The following NCAPD3 variants were observed in gnomAD, a reference collection of about 807,000 sequenced individuals.
NCAPD3 encodes the protein condensin-2 complex subunit D3.
Under a neutral mutation model 182.9 loss-of-function variants are expected in NCAPD3, and 105 were observed. The ratio of observed to expected loss-of-function variants is 0.57; its 90% CI spans 0.49 to 0.68. NCAPD3 has a LOEUF of 0.68. Ranked by LOEUF, NCAPD3 falls within the 30% of genes least tolerant of loss-of-function variation. NCAPD3 has a pLI of 0.00. For missense variants in NCAPD3, 1,944 were observed against 1,837.0 expected, an observed-to-expected ratio of 1.06 and a Z score of -1.07; for synonymous variants, 815 against 679.9, an observed-to-expected ratio of 1.20 and a Z score of -3.09.
intron 24 of NCAPD3, among the ~76,000 whole-genome samples, chr11:134,172,055 C>T (rs1944018906): frequency 6.6e-6 from 1 of 152,146 alleles, no homozygotes; most frequent in African/African-American, 2.4e-5. Context: ...AGTGTGTTGC[C>T]AAAAGTGTTC....
At chr11:134,158,532 CT>C in intron 29 of NCAPD3, 37 bp from the exon 30 acceptor site, 1 of 1,590,188 alleles carries the variant, frequency 6.3e-7, no homozygotes, top group Non-Finnish European at 8.6e-7. Context: ...CATTCTAATA[CT>C]TTTTAAGTTT....
Position 134,202,916 on chromosome 11 carries a change from A to G in NCAPD3, c.1526-11T>C, listed in dbSNP as rs777883640. ...TTTGGTAGGAAAAAGCTTTAAAAAA[A>G]AAATTACAGTCATTAAGCTAAAAAT... On this transcript the variant is annotated splice_polypyrimidine_tract_variant and intron_variant, in intron 12 of 34. Transcript: ENST00000534548. 3.2e-6 allele frequency: 5 copies of G among 1,586,144 alleles called. No individual in the cohort carries two copies. Among genetic ancestry groups the G allele is most frequent in the Non-Finnish European group, 3.4e-6 (4 of 1,166,180 alleles).
At chr11:134,185,309 T>C (rs1488616181) in intron 17 of NCAPD3, 26 bp downstream of exon 17, 8 of 1,564,082 alleles carry the variant, frequency 5.1e-6, no homozygotes, top group Non-Finnish European at 6.9e-6. Context: ...TCAGTGTCAT[T>C]ACTGGTTAAA....
intron 7 of NCAPD3, among the ~76,000 whole-genome samples, chr11:134,208,009 A>G (rs1282341958): frequency 6.6e-6 from 1 of 152,186 alleles, no homozygotes; most frequent in Non-Finnish European, 1.5e-5. Context: ...AAATCGATAA[A>G]GAAGGTAGAC....
rs1352807394 is a variant in NCAPD3 at position 134,152,149 on chromosome 11, C to T, written c.*795G>A. 1 of 152,376 alleles carries T rather than the reference C, an allele frequency of 6.6e-6. No homozygotes were observed. The highest frequency in any genetic ancestry group is 2.1e-4 in the South Asian group (1 of 4,832). The allele number at this position is 152,376 out of a possible 1,614,324, so 9.4% of individuals were successfully genotyped here. A position where few individuals can be genotyped will look rare whatever the true frequency, so the allele number is the denominator to read the frequency against. On this transcript the variant is annotated 3_prime_UTR_variant, in exon 35 of 35. Transcript: ENST00000534548. ...GCTAACAGAAGAGACTCAAGCTGTT[C>T]CCCCATCATGGGAGCAGCCCTTAAC...
At chr11:134,154,553 CCT>C (rs1231276059) in intron 32 of NCAPD3, among the ~76,000 whole-genome samples, 6 of 41,772 alleles carry the variant, frequency 1.4e-4, no homozygotes, top group African/African-American at 5.6e-4. Flanking sequence ...CCTCACCCCT[CCT>C]GGGTGGTGCA....
In NCAPD3 at chr11:134,168,134, C is replaced by T. The variant is rs377483580; in HGVS notation, c.3435G>A (p.Thr1145=). The T allele has an allele frequency of 2.0e-5, 33 of 1,613,994 alleles. No individual in the cohort carries two copies. In the African/African-American group the frequency reaches 3.2e-4, roughly 16 times the overall value. ...DLDASELLSD[T]FEVLSSKEIK... Reference sequence around the variant, plus strand: ...TCTCCTTTGAGCTGAGGACCTCAAACGTGTCTGAGAGTAACTCACTGGCGT... The same window carrying T: ...TCTCCTTTGAGCTGAGGACCTCAAATGTGTCTGAGAGTAACTCACTGGCGT... Residue 1145 remains threonine (T), a synonymous_variant, in exon 27 of 35, where the codon ACG becomes ACA. Transcript: ENST00000534548.
rs60929482 is a variant in NCAPD3, at chr11:134,185,442, A to G, written c.2130T>C (p.Thr710=). The G allele has an allele frequency of 6.2e-7, 1 of 1,614,064 alleles. No individual in the cohort carries two copies. ...AGGCAGGTGCCGAATGTTCCGTGCC[A>G]GTGTGAGATATTACATTGTTTATAA... ...PTFINNVISH[T]GTEHSAPAWM... is the part of the protein sequence containing the mutation. Residue 710 remains threonine, a synonymous_variant, in exon 17 of 35, where the codon ACT becomes ACC. Coordinates refer to ENST00000534548, the MANE Select transcript of NCAPD3 (RefSeq NM_015261.3).
intron 20 of NCAPD3, 115 bp downstream of exon 20, chr11:134,180,962 C>A: frequency 2.9e-6 from 2 of 701,014 alleles, no homozygotes; most frequent in Admixed American, 2.6e-5. Flanking sequence ...AAGCTCTAGG[C>A]TAAGACAGCT....
intron 13 of NCAPD3, among the ~76,000 whole-genome samples, chr11:134,196,639 C>G (rs1206422487): frequency 7.1e-6 from 1 of 140,444 alleles, no homozygotes; most frequent in African/African-American, 2.6e-5. Context: ...CAGCGAAACT[C>G]CATCTCAAAA....
intron 27 of NCAPD3, among the ~76,000 whole-genome samples, chr11:134,163,820 T>A (rs1183793429): frequency 2.4e-5 from 3 of 127,328 alleles, no homozygotes; most frequent in Non-Finnish European, 4.7e-5. Context: ...TGCAGTGAGC[T>A]GAGATCGCGC....
intron 13 of NCAPD3, among the ~76,000 whole-genome samples, chr11:134,196,935 C>T (rs1944643295): frequency 6.6e-6 from 1 of 152,166 alleles, no homozygotes; most frequent in African/African-American, 2.4e-5. Flanking sequence ...CCCACCCAAA[C>T]CTCATGTTGA....
intron 13 of NCAPD3, among the ~76,000 whole-genome samples, chr11:134,201,151 A>G (rs1043062697): frequency 4.0e-5 from 6 of 150,386 alleles, no homozygotes; most frequent in Admixed American, 2.0e-4. Flanking sequence ...CTGCCTCCTC[A>G]TAGCTGGGAC....
intron 29 of NCAPD3, among the ~76,000 whole-genome samples, chr11:134,159,548 ACTC>A (rs1166162582): frequency 3.9e-5 from 6 of 152,134 alleles, no homozygotes; most frequent in African/African-American, 1.4e-4. Context: ...AGCAACAGCT[ACTC>A]CTAGAAATGG....
intron 20 of NCAPD3, among the ~76,000 whole-genome samples, chr11:134,180,296 C>T (rs1944267456): frequency 1.3e-5 from 2 of 151,926 alleles, no homozygotes; most frequent in Admixed American, 6.6e-5. Flanking sequence ...GAGAGCTAGG[C>T]CAACAAGCAG....
chr11:134,216,373 C>G (rs1173207817), intron 3 of NCAPD3, among the ~76,000 whole-genome samples: 1 of 152,190 alleles, frequency 6.6e-6, no homozygotes, highest in Non-Finnish European at 1.5e-5. Flanking sequence ...CTCTCTCACC[C>G]TGTGTTTGGA....
intron 1 of NCAPD3, 103 bp from the exon 2 acceptor site, chr11:134,220,829 C>T (rs973946337): frequency 4.1e-5 from 44 of 1,072,690 alleles, no homozygotes; most frequent in Non-Finnish European, 5.5e-5. Flanking sequence ...GTTTACTAGT[C>T]ACGATTCACA....
intron 3 of NCAPD3, among the ~76,000 whole-genome samples, chr11:134,216,607 T>C (rs1938033892): frequency 6.6e-6 from 1 of 152,192 alleles, no homozygotes; most frequent in Non-Finnish European, 1.5e-5. Context: ...TTTCTCAGTC[T>C]AGACAAGGAA....
At chr11:134,166,837 T>G (rs1943830454) in intron 27 of NCAPD3, among the ~76,000 whole-genome samples, 1 of 85,980 alleles carries the variant, frequency 1.2e-5, no homozygotes, top group African/African-American at 4.9e-5. Context: ...GAGATGAGCT[T>G]GGGGGAGGCG....
Sources: gnomAD v4.1 joint callset for allele counts (sites outside exome capture counted in the v4.1 genomes callset) on GRCh38, gnomAD v4.1.1 for gene constraint, MANE v1.5 for transcripts, NCBI Gene and HGNC (gene_info 2026-07-23, HGNC 2026-07-21) for gene names.